Variants in C8orf34 observed in about 807,000 individuals in gnomAD.
The protein encoded by C8orf34 is uncharacterized protein C8orf34.
A neutral mutation model predicts 68.3 loss-of-function variants in C8orf34; 65 were observed. The observed-to-expected ratio is 0.95, with a 90% CI of 0.78 to 1.17. C8orf34 has a LOEUF of 1.17. Among genes scored for constraint, C8orf34 ranks in the 50% most tolerant of loss-of-function variants. The pLI is 0.00. For synonymous variants in C8orf34, 244 were observed against 241.2 expected (o/e 1.01, Z -0.11); for missense variants, 664 against 655.4 (o/e 1.01, Z -0.14).
chr8:68,703,864 C>T (rs750123254), intron 8 of C8orf34, among the ~76,000 whole-genome samples: 14 of 152,098 alleles, frequency 9.2e-5, no homozygotes, highest in Non-Finnish European at 1.6e-4. Context: ...GCCTCACACC[C>T]TGCATTGGGG....
intron 4 of C8orf34, among the ~76,000 whole-genome samples, chr8:68,484,047 G>A (rs936780952): frequency 6.6e-6 from 1 of 152,196 alleles, no homozygotes; most frequent in Non-Finnish European, 1.5e-5. Context: ...GGTTTTGCAG[G>A]CTGTACAGGA....
intron 7 of C8orf34, among the ~76,000 whole-genome samples, chr8:68,610,459 T>C (rs2130556814): frequency 6.6e-6 from 1 of 152,296 alleles, no homozygotes; most frequent in South Asian, 2.1e-4. Context: ...CATGTTAGTA[T>C]AGTAAACCTA....
At chr8:68,474,120 C>T (rs1043148645) in intron 4 of C8orf34, among the ~76,000 whole-genome samples, 15 of 152,166 alleles carry the variant, frequency 9.9e-5, no homozygotes, top group African/African-American at 7.2e-5. Flanking sequence ...ATCACCCCTA[C>T]GCAGCTAACT....
At chr8:68,403,900 G>A (rs1809070591) in intron 1 of C8orf34, among the ~76,000 whole-genome samples, 1 of 152,168 alleles carries the variant, frequency 6.6e-6, no homozygotes, top group Admixed American at 6.5e-5. Context: ...TATATACCCA[G>A]TAATGGGATT....
At chr8:68,772,085 A>G (rs999221832) in intron 10 of C8orf34, among the ~76,000 whole-genome samples, 2 of 152,196 alleles carry the variant, frequency 1.3e-5, no homozygotes, top group African/African-American at 2.4e-5. Flanking sequence ...CATGGGTTCC[A>G]AATACCTCAG....
chr8:68,744,540 G>A (rs1822417242), intron 10 of C8orf34, among the ~76,000 whole-genome samples: 1 of 151,842 alleles, frequency 6.6e-6, no homozygotes, highest in Admixed American at 6.6e-5. Context: ...AGTGCTTAAA[G>A]GAGCTGATGG....
intron 5 of C8orf34, among the ~76,000 whole-genome samples, chr8:68,489,994 C>G (rs1813242650): frequency 6.6e-6 from 1 of 152,162 alleles, no homozygotes; most frequent in African/African-American, 2.4e-5. Flanking sequence ...AGGCAGAACT[C>G]CATGTTGACC....
intron 8 of C8orf34, among the ~76,000 whole-genome samples, chr8:68,643,553 G>A (rs1277919616): frequency 1.3e-5 from 2 of 152,166 alleles, no homozygotes; most frequent in Non-Finnish European, 2.9e-5. Context: ...CAAGGTGCTG[G>A]CTGATTCAGT....
chr8:68,752,337 T>C (rs148738175), intron 10 of C8orf34, among the ~76,000 whole-genome samples: 2 of 152,230 alleles, frequency 1.3e-5, no homozygotes, highest in Admixed American at 6.5e-5. Context: ...GCATGACTTA[T>C]ACTTGTAAGT....
chr8:68,522,723 A>C lies in C8orf34; in HGVS notation c.938+752A>C, dbSNP rs183198668. 3.6e-3 allele frequency among the ~76,000 whole-genome samples: 555 copies of C among 152,298 alleles called. 6 individuals are homozygous for C. Among genetic ancestry groups the C allele is most frequent in the African/African-American group, 0.012 (517 of 41,548 alleles). On this transcript the variant is annotated intron_variant, in intron 6 of 13. Transcript: ENST00000518698. ...CGAGTAAAACTCAAAACAAAAATGAAAATTTCTGCAAAGTATCTGGGGTGA... is the reference window on the plus strand; with the variant it reads ...CGAGTAAAACTCAAAACAAAAATGACAATTTCTGCAAAGTATCTGGGGTGA...
intron 1 of C8orf34, among the ~76,000 whole-genome samples, chr8:68,358,628 A>C (rs1478174121): frequency 6.6e-6 from 1 of 151,890 alleles, no homozygotes; most frequent in African/African-American, 2.4e-5. Flanking sequence ...CATGGACCAT[A>C]GGCCAATTTC....
intron 1 of C8orf34, among the ~76,000 whole-genome samples, chr8:68,427,925 A>T (rs1442352416): frequency 6.7e-6 from 1 of 148,574 alleles, no homozygotes; most frequent in South Asian, 2.1e-4. Flanking sequence ...AATAAGAAAG[A>T]TTATTTCATC....
At chr8:68,382,475 A>G (rs1808084492) in intron 1 of C8orf34, among the ~76,000 whole-genome samples, 1 of 152,246 alleles carries the variant, frequency 6.6e-6, no homozygotes, top group Non-Finnish European at 1.5e-5. Flanking sequence ...AGTAACGTGT[A>G]CCTACTGTGT....
intron 7 of C8orf34, among the ~76,000 whole-genome samples, chr8:68,614,361 G>A (rs1818125713): frequency 6.6e-6 from 1 of 152,114 alleles, no homozygotes; most frequent in Admixed American, 6.6e-5. Context: ...TGAAGTCCTT[G>A]CCCATGCCTA....
chr8:68,688,581 A>T (rs779752426), intron 8 of C8orf34, among the ~76,000 whole-genome samples: 1 of 152,148 alleles, frequency 6.6e-6, no homozygotes, highest in Admixed American at 6.6e-5. Context: ...CATGGAACCA[A>T]CCCAAATGCT....
At chr8:68,619,470 G>A (rs980863683) in intron 7 of C8orf34, among the ~76,000 whole-genome samples, 2 of 139,796 alleles carry the variant, frequency 1.4e-5, no homozygotes, top group Admixed American at 1.4e-4. Context: ...CCTGGTTATC[G>A]TGAACCATAG....
At chr8:68,615,791 G>A (rs1818190301) in intron 7 of C8orf34, among the ~76,000 whole-genome samples, 1 of 152,162 alleles carries the variant, frequency 6.6e-6, no homozygotes, top group Non-Finnish European at 1.5e-5. Context: ...GTATCAGGAT[G>A]ATGCTGGCCT....
intron 7 of C8orf34, among the ~76,000 whole-genome samples, chr8:68,630,025 C>A (rs984221680): frequency 1.3e-5 from 2 of 151,864 alleles, no homozygotes; most frequent in African/African-American, 2.4e-5. Flanking sequence ...TAAATGTATT[C>A]TTCTTTGTAT....
At chr8:68,611,152 C>T (rs1385702719) in intron 7 of C8orf34, among the ~76,000 whole-genome samples, 1 of 152,152 alleles carries the variant, frequency 6.6e-6, no homozygotes, top group African/African-American at 2.4e-5. Context: ...GCGTGAGCCA[C>T]TGTGCCCAGC....
Sources: allele counts gnomAD v4.1 joint callset (sites outside exome capture counted in the v4.1 genomes callset), GRCh38; gene constraint gnomAD v4.1.1; transcripts MANE v1.5; gene names NCBI Gene and HGNC (gene_info 2026-07-23, HGNC 2026-07-21).